UNC13C: variants seen among roughly 807,000 people sequenced by gnomAD.
The protein encoded by UNC13C is protein unc-13 homolog C.
In UNC13C, 174 loss-of-function variants were observed where a neutral mutation model predicts 245.4. That is an observed-to-expected ratio of 0.71 (90% CI 0.63 to 0.80). The LOEUF (loss-of-function observed/expected upper bound fraction) is 0.80. UNC13C is among the 30% of genes least tolerant of loss of function. The pLI, the probability that UNC13C is intolerant of heterozygous loss-of-function variation, is 0.00. For missense variants in UNC13C, 2,829 were observed against 2,602.9 expected (o/e 1.09, Z -1.89); for synonymous variants, 992 against 895.1 (o/e 1.11, Z -1.93).
Position 54,015,840 on chromosome 15 carries a change from C to A in UNC13C, c.2937C>A (p.Ala979=). The change falls in exon 2 of 33, where the codon GCC becomes GCA. Residue 979 remains alanine, a synonymous_variant. Transcript: ENST00000260323. ...CTTTCAAAGAAGCAGCTTTAAGGGCCTATAAAAAGCAAATGGCAGAGTTGG... is the reference window on the plus strand; with the variant it reads ...CTTTCAAAGAAGCAGCTTTAAGGGCATATAAAAAGCAAATGGCAGAGTTGG... ...RPSFKEAALR[A]YKKQMAELEE... 6.2e-7 allele frequency: 1 copy of A among 1,604,196 alleles called. No individual in the cohort carries two copies. The highest frequency in any genetic ancestry group is 8.5e-7 in the Non-Finnish European group (1 of 1,176,222).
In UNC13C at chr15:54,450,827, T is replaced by A. The variant is rs573097716; in HGVS notation, c.4933+35760T>A. ...TAGTGAGATGAACCCAGTACCTCAG[T>A]TGGAAATGCAGAAATCACCCATCTT... On this transcript the variant is annotated intron_variant, in intron 19 of 32. Coordinates refer to ENST00000260323, the MANE Select transcript of UNC13C (RefSeq NM_001080534.3). Among the ~76,000 whole-genome samples the A allele has an allele frequency of 5.9e-5, 9 of 152,264 alleles. No individual in the cohort carries two copies. The South Asian group carries it at 1.9e-3, about 32-fold the overall frequency.
In UNC13C at chr15:54,015,729, A is replaced by G; in HGVS notation, c.2826A>G (p.Ser942=). 6.2e-7 allele frequency: 1 copy of G among 1,613,602 alleles called. No individual in the cohort carries two copies. The highest frequency in any genetic ancestry group is 1.6e-4 in the Middle Eastern group (1 of 6,062). ...EEGLEPLNET[S]AEMEIREDEN... ...GGTTAGAACCCTTAAATGAAACATC[A>G]GCTGAGATGGAAATAAGAGAAGATG... The change falls in exon 2 of 33, where the codon TCA becomes TCG. Residue 942 remains serine, a synonymous_variant. Coordinates refer to ENST00000260323, the MANE Select transcript of UNC13C (RefSeq NM_001080534.3).
chr15:54,296,444 T>C (rs990612203), intron 11 of UNC13C, among the ~76,000 whole-genome samples: 1 of 150,106 alleles, frequency 6.7e-6, no homozygotes, highest in African/African-American at 2.5e-5. Context: ...GGTCTCGATC[T>C]CCTGACCTCG....
At position 53,992,760 on chromosome 15, in the gene UNC13C, A is replaced by G. The variant is rs577492736; in HGVS notation, c.-257+13833A>G. 1.6e-4 allele frequency among the ~76,000 whole-genome samples: 25 copies of G among 152,194 alleles called. No individual in the cohort carries two copies. In the South Asian group the frequency reaches 2.9e-3, roughly 18 times the overall value. ...GCAAGAGGGAAGAATCTATATGGTG[A>G]CATTGGAGGTCTGTTGTCTTTCAAG... On this transcript the variant is annotated intron_variant, in intron 1 of 32. Transcript: ENST00000260323.
Position 53,978,782 on chromosome 15 carries a change from C to G in UNC13C, c.-402C>G, listed in dbSNP as rs1432896168. Among the ~76,000 whole-genome samples, 1 of 152,054 alleles carries G rather than the reference C, an allele frequency of 6.6e-6. No individual in the cohort carries two copies. Among genetic ancestry groups the G allele is most frequent in the Non-Finnish European group, 1.5e-5 (1 of 68,012 alleles). Reference sequence around the variant, plus strand: ...CTGGGACGCAGCTTCCACTCCTGTTCTAACTATTTGTGATTGAAAAAAGGA... The same window carrying G: ...CTGGGACGCAGCTTCCACTCCTGTTGTAACTATTTGTGATTGAAAAAAGGA... On this transcript the variant is annotated 5_prime_UTR_variant, in exon 1 of 33. Transcript: ENST00000260323.
At chr15:54,598,285 G>A (rs1417867990) in intron 30 of UNC13C, among the ~76,000 whole-genome samples, 1 of 152,190 alleles carries the variant, frequency 6.6e-6, no homozygotes, top group Non-Finnish European at 1.5e-5. Flanking sequence ...AGTAGACACA[G>A]GGTTTCACCA....
chr15:54,187,531 C>T (rs192835028), intron 4 of UNC13C, among the ~76,000 whole-genome samples: 1 of 152,252 alleles, frequency 6.6e-6, no homozygotes, highest in East Asian at 1.9e-4. Flanking sequence ...CTACAGCTGG[C>T]CCATTGTCTC....
intron 14 of UNC13C, among the ~76,000 whole-genome samples, chr15:54,324,702 G>T (rs573498798): frequency 6.6e-6 from 1 of 152,050 alleles, no homozygotes; most frequent in African/African-American, 2.4e-5. Flanking sequence ...TTGGGAAAAG[G>T]GTAGTATATC....
rs1895639923 is a variant in UNC13C, at chr15:54,015,997, C to T, written c.2983+111C>T. On this transcript the variant is annotated intron_variant, in intron 2 of 32. Transcript: ENST00000260323. ...GGGTGAAAGAGTTTACTTGCAATGA[C>T]TTTCCATGCTTTACTCTGAGGAGCA... is the stretch of plus-strand genomic sequence containing the variant. The T allele has an allele frequency of 5.5e-6, 5 of 916,672 alleles. No individual in the cohort carries two copies. The East Asian group carries it at 1.1e-4, about 20-fold the overall frequency. The allele number at this position is 916,672 out of a possible 1,614,324, so 56.8% of individuals were successfully genotyped here.
chr15:54,112,907 TGA>T (rs1335803747), intron 2 of UNC13C, among the ~76,000 whole-genome samples: 1 of 152,198 alleles, frequency 6.6e-6, no homozygotes, highest in Admixed American at 6.5e-5. Flanking sequence ...AAAATACTTC[TGA>T]GAGAGTGAGT....
chr15:54,436,763 T>C (rs1890242722), intron 19 of UNC13C, among the ~76,000 whole-genome samples: 2 of 151,954 alleles, frequency 1.3e-5, no homozygotes, highest in South Asian at 2.1e-4. Flanking sequence ...CAAACCACCA[T>C]GGCACGTGTA....
chr15:53,870,709 A>G, the UNC13C span, among the ~76,000 whole-genome samples: 1 of 152,154 alleles, frequency 6.6e-6, no homozygotes, highest in Non-Finnish European at 1.5e-5. Flanking sequence ...GCCCATCTTC[A>G]CAAGCCCTCT....
At chr15:54,513,488 A>T (rs1465156088) in intron 24 of UNC13C, among the ~76,000 whole-genome samples, 1 of 152,196 alleles carries the variant, frequency 6.6e-6, no homozygotes, top group African/African-American at 2.4e-5. Context: ...CTAATTAAAA[A>T]TGTTATAAAG....
intron 30 of UNC13C, among the ~76,000 whole-genome samples, chr15:54,615,659 A>G (rs1900383476): frequency 1.3e-5 from 2 of 152,064 alleles, no homozygotes; most frequent in East Asian, 1.9e-4. Context: ...GACTGTCTAC[A>G]TCTGAAACAG....
intron 19 of UNC13C, among the ~76,000 whole-genome samples, chr15:54,465,523 G>A (rs577633063): frequency 2.0e-5 from 3 of 152,074 alleles, no homozygotes; most frequent in South Asian, 2.1e-4. Context: ...ACATGAAATG[G>A]TACTAGTTAG....
rs577450566 is a variant in UNC13C at position 54,526,440 on chromosome 15, T to G, written c.5546+803T>G. ...AATTTTCAAAAGAGACTATAAAGAT[T>G]GCTCTTCAGGGCCGGGTACGGTGGC... On this transcript the variant is annotated intron_variant, in intron 25 of 32. Coordinates refer to ENST00000260323, the MANE Select transcript of UNC13C (RefSeq NM_001080534.3). 4.6e-4 allele frequency among the ~76,000 whole-genome samples: 70 copies of G among 152,272 alleles called. 1 individual carries two copies. The South Asian group carries it at 5.4e-3, about 12-fold the overall frequency.
intron 2 of UNC13C, among the ~76,000 whole-genome samples, chr15:54,081,948 T>C (rs555839813): frequency 6.6e-6 from 1 of 152,330 alleles, no homozygotes; most frequent in East Asian, 1.9e-4. Flanking sequence ...TGTTTAGAAA[T>C]CCTTTGATCA....
intron 17 of UNC13C, among the ~76,000 whole-genome samples, chr15:54,339,421 C>T (rs918140530): frequency 1.3e-5 from 2 of 152,058 alleles, no homozygotes; most frequent in South Asian, 2.1e-4. Flanking sequence ...CACACCCCTC[C>T]GAGCCTTTCC....
chr15:53,940,835 CAT>C, the UNC13C span, among the ~76,000 whole-genome samples: 1 of 152,186 alleles, frequency 6.6e-6, no homozygotes, highest in African/African-American at 2.4e-5. Flanking sequence ...AATGGAAAAA[CAT>C]TCCATGCTCA....
Sources: gnomAD v4.1 joint callset for allele counts (sites outside exome capture counted in the v4.1 genomes callset) on GRCh38, gnomAD v4.1.1 for gene constraint, MANE v1.5 for transcripts, NCBI Gene and HGNC (gene_info 2026-07-23, HGNC 2026-07-21) for gene names.